Variants in CTNNA3 observed in about 807,000 individuals in gnomAD.
CTNNA3 encodes catenin alpha 3.
A neutral mutation model predicts 95.7 loss-of-function variants in CTNNA3; 76 were observed. The observed-to-expected ratio is 0.79, with a 90% CI of 0.66 to 0.96. The LOEUF (loss-of-function observed/expected upper bound fraction) is 0.96, where lower values mean the gene tolerates loss of function less well. Among genes scored for constraint, CTNNA3 ranks in the 40% least tolerant of loss-of-function variants. CTNNA3 has a pLI of 0.00. For missense variants in CTNNA3, 1,191 were observed against 1,089.8 expected, an observed-to-expected ratio of 1.09 and a Z score of -1.31; for synonymous variants, 431 against 374.4, an observed-to-expected ratio of 1.15 and a Z score of -1.74.
At chr10:66,372,409 G>T (rs1240278008) in intron 12 of CTNNA3, among the ~76,000 whole-genome samples, 1 of 152,072 alleles carries the variant, frequency 6.6e-6, no homozygotes, top group Admixed American at 6.6e-5. Flanking sequence ...AGTCACAGGT[G>T]TTCTAGAGTT....
chr10:66,697,685 T>G (rs147913800), intron 9 of CTNNA3, among the ~76,000 whole-genome samples: 2 of 152,222 alleles, frequency 1.3e-5, no homozygotes, highest in African/African-American at 4.8e-5. Flanking sequence ...GGGTATAAAT[T>G]AAAACTTATT....
At position 67,734,891 on chromosome 10, in the gene CTNNA3, C is replaced by T. The variant is rs544745055; in HGVS notation, c.-2+28543G>A. On this transcript the variant is annotated intron_variant, in intron 1 of 17. Coordinates refer to the CTNNA3 transcript ENST00000684154. The stretch of plus-strand genomic sequence containing the variant: ...TTTTTTTTAAATAAAACCTATGATA[C>T]ATACATGGACATTAAAATGATGATA... Among the ~76,000 whole-genome samples the T allele has an allele frequency of 1.9e-4, 29 of 151,914 alleles. No individual in the cohort carries two copies. In the Middle Eastern group the frequency reaches 0.01, roughly 53 times the overall value.
chr10:66,879,944 A>C (rs1844780589), intron 7 of CTNNA3, among the ~76,000 whole-genome samples: 1 of 152,072 alleles, frequency 6.6e-6, no homozygotes, highest in Admixed American at 6.6e-5. Flanking sequence ...AAATGTAGAG[A>C]GTATACATAA....
intron 5 of CTNNA3, among the ~76,000 whole-genome samples, chr10:67,457,184 G>A (rs561651546): frequency 2.2e-4 from 34 of 152,306 alleles, no homozygotes; most frequent in South Asian, 1.9e-3. Context: ...ACATTTCCAA[G>A]GTCCTGGATG....
chr10:67,241,530 A>C (rs1402551450), intron 5 of CTNNA3, among the ~76,000 whole-genome samples: 1 of 152,150 alleles, frequency 6.6e-6, no homozygotes, highest in Non-Finnish European at 1.5e-5. Flanking sequence ...AAATATTTTT[A>C]TCCTTGCAAT....
intron 5 of CTNNA3, among the ~76,000 whole-genome samples, chr10:67,328,918 C>G (rs1365089399): frequency 6.6e-6 from 1 of 152,110 alleles, no homozygotes; most frequent in Non-Finnish European, 1.5e-5. Context: ...CATACATAAA[C>G]ACATGTACTT....
chr10:67,409,413 G>C (rs1371348881), intron 5 of CTNNA3, among the ~76,000 whole-genome samples: 1 of 152,138 alleles, frequency 6.6e-6, no homozygotes, highest in Non-Finnish European at 1.5e-5. Context: ...CCATAAAAAG[G>C]AACAAGATCG....
chr10:66,059,776 A>G (rs1462277479), intron 15 of CTNNA3, among the ~76,000 whole-genome samples: 3 of 152,168 alleles, frequency 2.0e-5, no homozygotes, highest in African/African-American at 7.2e-5. Flanking sequence ...AAATTAGTAC[A>G]TATTTTTCAA....
At chr10:66,010,992 T>C (rs1334931901) in intron 15 of CTNNA3, among the ~76,000 whole-genome samples, 1 of 152,208 alleles carries the variant, frequency 6.6e-6, no homozygotes, top group African/African-American at 2.4e-5. Flanking sequence ...TAGGTTAATG[T>C]CACCCTGTCT....
At chr10:66,021,446 C>T (rs985993991) in intron 15 of CTNNA3, among the ~76,000 whole-genome samples, 8 of 151,374 alleles carry the variant, frequency 5.3e-5, no homozygotes, top group South Asian at 2.1e-4. Context: ...TTATTGCTGT[C>T]GGTACTTATA....
chr10:66,174,953 T>C (rs940159120), intron 13 of CTNNA3, among the ~76,000 whole-genome samples: 1 of 152,100 alleles, frequency 6.6e-6, no homozygotes, highest in Non-Finnish European at 1.5e-5. Context: ...GCAGTAGTAA[T>C]GCTTGGCCTA....
At chr10:66,639,423 A>C (rs1269290528) in intron 9 of CTNNA3, among the ~76,000 whole-genome samples, 1 of 152,192 alleles carries the variant, frequency 6.6e-6, no homozygotes, top group Non-Finnish European at 1.5e-5. Flanking sequence ...AGGAAGCAGT[A>C]TGATTTGAAA....
chr10:66,426,879 G>A (rs569427063), intron 11 of CTNNA3, among the ~76,000 whole-genome samples: 5 of 151,372 alleles, frequency 3.3e-5, no homozygotes, highest in South Asian at 2.1e-4. Flanking sequence ...CAATCTCTTC[G>A]CCAAATACTT....
At chr10:67,446,141 G>T (rs1846737861) in intron 5 of CTNNA3, among the ~76,000 whole-genome samples, 1 of 152,174 alleles carries the variant, frequency 6.6e-6, no homozygotes, top group Non-Finnish European at 1.5e-5. Context: ...AAAAAGGCCT[G>T]TATTTTGAAC....
chr10:66,794,207 G>A (rs894776037), intron 7 of CTNNA3, among the ~76,000 whole-genome samples: 2 of 152,110 alleles, frequency 1.3e-5, no homozygotes, highest in African/African-American at 4.8e-5. Flanking sequence ...TGCTTCAAAT[G>A]TGGGGCCTTA....
At chr10:66,339,432 G>C (rs1315768660) in intron 12 of CTNNA3, among the ~76,000 whole-genome samples, 2 of 151,730 alleles carry the variant, frequency 1.3e-5, no homozygotes, top group Non-Finnish European at 3.0e-5. Context: ...TAAATCAGCA[G>C]AGGTAATAGG....
intron 17 of CTNNA3, among the ~76,000 whole-genome samples, chr10:65,953,412 T>C (rs1032814194): frequency 2.0e-5 from 3 of 152,062 alleles, no homozygotes; most frequent in Non-Finnish European, 2.9e-5. Context: ...ATACTTTAAG[T>C]TCTAGGATAC....
At chr10:66,054,124 TC>T (rs2080022844) in intron 15 of CTNNA3, among the ~76,000 whole-genome samples, 1 of 152,206 alleles carries the variant, frequency 6.6e-6, no homozygotes, top group South Asian at 2.1e-4. Flanking sequence ...TATCCATTTA[TC>T]CTTTGATGGA....
At chr10:66,329,618 C>G (rs1290927281) in intron 12 of CTNNA3, among the ~76,000 whole-genome samples, 3 of 151,094 alleles carry the variant, frequency 2.0e-5, no homozygotes, top group Admixed American at 6.6e-5. Context: ...TATCGTATGT[C>G]AAAATAAAAT....
Sources: allele counts gnomAD v4.1 joint callset (sites outside exome capture counted in the v4.1 genomes callset), GRCh38; gene constraint gnomAD v4.1.1; transcripts MANE v1.5; gene names NCBI Gene and HGNC (gene_info 2026-07-23, HGNC 2026-07-21).